RAB20: variants seen among roughly 807,000 people sequenced by gnomAD.
The protein encoded by RAB20 is RAB20, member RAS oncogene family.
A neutral mutation model predicts 3.7 loss-of-function variants in RAB20; 2 were observed. The ratio of observed to expected loss-of-function variants is 0.54; its 90% CI spans 0.22 to 1.69. The LOEUF (loss-of-function observed/expected upper bound fraction) is 1.69, where lower values mean the gene tolerates loss of function less well. Among genes scored for constraint, RAB20 ranks in the 40% most tolerant of loss-of-function variants. The pLI is 0.19. For missense variants in RAB20, 276 were observed against 311.9 expected (o/e 0.88, Z 0.87); for synonymous variants, 126 against 130.8 (o/e 0.96, Z 0.25).
intron 1 of RAB20, among the ~76,000 whole-genome samples, chr13:110,524,598 A>C (rs369376073): frequency 1.2e-4 from 18 of 152,310 alleles, no homozygotes; most frequent in Middle Eastern, 3.4e-3. Context: ...CTGAGATAGA[A>C]GCTGACTCGG....
At chr13:110,559,611 G>C (rs966696188) in intron 1 of RAB20, among the ~76,000 whole-genome samples, 1 of 152,214 alleles carries the variant, frequency 6.6e-6, no homozygotes, top group Non-Finnish European at 1.5e-5. Context: ...GTTCTGAGGA[G>C]CTCTAGTAAT....
chr13:110,541,049 C>T (rs920393001), intron 1 of RAB20, among the ~76,000 whole-genome samples: 3 of 152,154 alleles, frequency 2.0e-5, no homozygotes, highest in South Asian at 2.1e-4. Flanking sequence ...GCTGCCAGCC[C>T]GAGGACCTTG....
At chr13:110,552,465 G>A (rs534122914) in intron 1 of RAB20, among the ~76,000 whole-genome samples, 4 of 151,838 alleles carry the variant, frequency 2.6e-5, no homozygotes, top group South Asian at 4.2e-4. Flanking sequence ...AGGCTGAGGC[G>A]GGTGGATCAC....
chr13:110,561,264 G>A, intron 1 of RAB20, 84 bp downstream of exon 1: 1 of 1,424,816 alleles, frequency 7.0e-7, no homozygotes, highest in Non-Finnish European at 9.2e-7. Context: ...CCCTGTGCGC[G>A]GCCGGGTGCC....
chr13:110,551,918 C>CAAA (rs3074410), intron 1 of RAB20, among the ~76,000 whole-genome samples: 1 of 100,974 alleles, frequency 9.9e-6, no homozygotes, highest in African/African-American at 3.1e-5. Context: ...CCTGTCTCTA[C>CAAA]AAAAAAAAAA....
Position 110,561,515 on chromosome 13 carries a change from C to T in RAB20, c.5G>A (p.Arg2Lys), listed in dbSNP as rs1885133981. The T allele has an allele frequency of 6.4e-7, 1 of 1,569,884 alleles. No individual in the cohort carries two copies. The highest frequency in any genetic ancestry group is 1.8e-5 in the Admixed American group (1 of 54,732). M[R>K]KPDSKIVLLG... Reference sequence around the variant, plus strand: ...GAGCACGATCTTGCTGTCGGGCTTCCTCATCTTCCCGTAAGAACCCCCAGC... The same window carrying T: ...GAGCACGATCTTGCTGTCGGGCTTCTTCATCTTCCCGTAAGAACCCCCAGC... Residue 2 changes from arginine (R) to lysine (K), a missense_variant, in exon 1 of 2, where the codon AGG becomes AAG. Coordinates refer to ENST00000267328, the MANE Select transcript of RAB20 (RefSeq NM_017817.3).
intron 1 of RAB20, among the ~76,000 whole-genome samples, chr13:110,529,039 T>C (rs1032949350): frequency 2.0e-5 from 3 of 152,266 alleles, no homozygotes; most frequent in Non-Finnish European, 2.9e-5. Context: ...AATGAGCGCA[T>C]TGTCCACACC....
chr13:110,523,764 C>A lies in RAB20; in HGVS notation c.606G>T (p.Val202=). Residue 202 remains valine (V), a synonymous_variant, in exon 2 of 2, where the codon GTG becomes GTT. Transcript: ENST00000267328. ...CAGCTCTCTGCTGTAAGATCATTGG[C>A]ACCACCAGGTCAAAGAGGGTCTCAA... is the stretch of plus-strand genomic sequence containing the variant. ...LLFETLFDLV[V]PMILQQRAER... is the part of the protein sequence containing the mutation. 1 of 1,614,212 alleles carries A rather than the reference C, an allele frequency of 6.2e-7. No homozygotes were observed. Among genetic ancestry groups the A allele is most frequent in the Non-Finnish European group, 8.5e-7 (1 of 1,180,048 alleles).
At chr13:110,551,416 G>A (rs1884948536) in intron 1 of RAB20, among the ~76,000 whole-genome samples, 1 of 152,196 alleles carries the variant, frequency 6.6e-6, no homozygotes, top group Admixed American at 6.5e-5. Context: ...ACTGCAAATC[G>A]TACATCAGGG....
At chr13:110,550,949 C>T (rs1003002098) in intron 1 of RAB20, among the ~76,000 whole-genome samples, 22 of 152,178 alleles carry the variant, frequency 1.4e-4, no homozygotes, top group Admixed American at 2.0e-4. Flanking sequence ...TTCCCTACCA[C>T]GCACACAATG....
intron 1 of RAB20, among the ~76,000 whole-genome samples, chr13:110,544,535 G>C (rs1002991344): frequency 1.3e-5 from 2 of 152,180 alleles, no homozygotes; most frequent in Non-Finnish European, 2.9e-5. Context: ...TTTCCAAAAA[G>C]GGCAAAATCA....
chr13:110,529,294 C>T (rs1418271775), intron 1 of RAB20, among the ~76,000 whole-genome samples: 4 of 152,256 alleles, frequency 2.6e-5, no homozygotes, highest in Non-Finnish European at 5.9e-5. Flanking sequence ...CCCCTGCTGC[C>T]AACCCCATAC....
intron 1 of RAB20, among the ~76,000 whole-genome samples, chr13:110,559,640 G>A (rs1885099322): frequency 1.3e-5 from 2 of 152,178 alleles, no homozygotes; most frequent in East Asian, 1.9e-4. Flanking sequence ...AGGATCTTTC[G>A]AACAAGCAGC....
At chr13:110,544,503 T>C (rs1884818703) in intron 1 of RAB20, among the ~76,000 whole-genome samples, 1 of 152,376 alleles carries the variant, frequency 6.6e-6, no homozygotes, top group Admixed American at 6.5e-5. Flanking sequence ...CAATTCTACC[T>C]TGACACATGT....
intron 1 of RAB20, among the ~76,000 whole-genome samples, chr13:110,550,628 G>A (rs971568463): frequency 2.0e-5 from 3 of 152,142 alleles, no homozygotes; most frequent in South Asian, 2.1e-4. Flanking sequence ...TGGCTGTGGC[G>A]CTGTGAGAGC....
At chr13:110,541,928 C>T (rs965833134) in intron 1 of RAB20, among the ~76,000 whole-genome samples, 5 of 152,164 alleles carry the variant, frequency 3.3e-5, no homozygotes. Context: ...ACATTTCACA[C>T]ATCTGGAATC....
chr13:110,551,739 A>G (rs1448965277), intron 1 of RAB20, among the ~76,000 whole-genome samples: 1 of 151,896 alleles, frequency 6.6e-6, no homozygotes, highest in Non-Finnish European at 1.5e-5. Context: ...TTGGAGAGGG[A>G]TGTTATATGA....
At chr13:110,541,622 G>C (rs1884764675) in intron 1 of RAB20, among the ~76,000 whole-genome samples, 1 of 152,166 alleles carries the variant, frequency 6.6e-6, no homozygotes, top group African/African-American at 2.4e-5. Context: ...AGTTAGCAGG[G>C]AACTGCCTGC....
At chr13:110,526,765 G>A (rs1884436685) in intron 1 of RAB20, among the ~76,000 whole-genome samples, 3 of 152,206 alleles carry the variant, frequency 2.0e-5, no homozygotes. Flanking sequence ...CATGCCAGAT[G>A]CCTCAGACAC....
Sources: allele counts gnomAD v4.1 joint callset (sites outside exome capture counted in the v4.1 genomes callset), GRCh38; gene constraint gnomAD v4.1.1; transcripts MANE v1.5; gene names NCBI Gene and HGNC (gene_info 2026-07-23, HGNC 2026-07-21).